The following AP1B1 variants were observed in gnomAD, a reference collection of about 807,000 sequenced individuals.
The protein encoded by AP1B1 is AP-1 complex subunit beta-1.
A neutral mutation model predicts 104.3 loss-of-function variants in AP1B1; 36 were observed. The observed-to-expected ratio is 0.35, with a 90% CI of 0.26 to 0.46. The LOEUF (loss-of-function observed/expected upper bound fraction) is 0.46. Ranked by LOEUF, AP1B1 falls within the 20% of genes least tolerant of loss-of-function variation. The pLI is 1.00. For missense variants in AP1B1, 901 were observed against 1,247.9 expected (o/e 0.72, Z 4.19); for synonymous variants, 504 against 517.5 (o/e 0.97, Z 0.35).
chr22:29,369,126 A>G (rs975855813), intron 1 of AP1B1, among the ~76,000 whole-genome samples: 1 of 152,152 alleles, frequency 6.6e-6, no homozygotes, highest in African/African-American at 2.4e-5. Flanking sequence ...ATCTCCTTTC[A>G]AGTCATTACT....
intron 11 of AP1B1, among the ~76,000 whole-genome samples, chr22:29,348,594 T>TG (rs1221288897): frequency 6.6e-6 from 1 of 152,260 alleles, no homozygotes; most frequent in Non-Finnish European, 1.5e-5. Flanking sequence ...GGTTATTAAC[T>TG]GATCAATTGA....
At chr22:29,364,578 C>G (rs1312945783) in intron 2 of AP1B1, among the ~76,000 whole-genome samples, 4 of 152,286 alleles carry the variant, frequency 2.6e-5, no homozygotes, top group African/African-American at 9.6e-5. Context: ...GCCATCACAC[C>G]CAGCTAATTT....
At chr22:29,386,245 C>T (rs972562483) in intron 1 of AP1B1, among the ~76,000 whole-genome samples, 4 of 152,178 alleles carry the variant, frequency 2.6e-5, no homozygotes, top group African/African-American at 4.8e-5. Context: ...CCTATGTCAA[C>T]GGTCCAGGTC....
In AP1B1 at chr22:29,329,685, C is replaced by T. The variant is rs180689769; in HGVS notation, c.2775+27G>A. On this transcript the variant is annotated intron_variant, in intron 22 of 22. Coordinates refer to ENST00000357586, the MANE Select transcript of AP1B1 (RefSeq NM_001127.4). ...AGGAGACAAGACTGGGGAGGGCGGA[C>T]GGGGAAAGAGAAAGCGATCTGCTAA... 5.1e-3 allele frequency: 8,209 copies of T among 1,612,730 alleles called. 30 individuals carry two copies. The highest frequency in any genetic ancestry group is 6.2e-3 in the Non-Finnish European group (7,279 of 1,179,360).
rs772318343 is a variant in AP1B1, at chr22:29,328,924, G to A, written c.2776-29C>T. 1.9e-6 allele frequency: 3 copies of A among 1,596,498 alleles called. No homozygotes were observed. Among genetic ancestry groups the A allele is most frequent in the Non-Finnish European group, 2.6e-6 (3 of 1,174,050 alleles). ...CAGGGGAGAGAGGGGTCGGGGGAAA[G>A]AGCGCTCATCCCTGGGGTTCCTCTC... On this transcript the variant is annotated intron_variant, in intron 22 of 22. Transcript: ENST00000357586. This position sits in a 1 kb window ranked among gnomAD's most constrained non-coding sequence, Gnocchi z 4.1.
At chr22:29,340,271 G>A (rs992951098) in intron 14 of AP1B1, among the ~76,000 whole-genome samples, 1 of 152,190 alleles carries the variant, frequency 6.6e-6, no homozygotes, top group Admixed American at 6.5e-5. Flanking sequence ...CTGCATAAGG[G>A]TAAGTGGACA....
At chr22:29,375,796 C>T (rs2062331020) in intron 1 of AP1B1, among the ~76,000 whole-genome samples, 1 of 152,224 alleles carries the variant, frequency 6.6e-6, no homozygotes, top group African/African-American at 2.4e-5. Flanking sequence ...TCCCTCTCTA[C>T]TCTTAAACCA....
intron 11 of AP1B1, among the ~76,000 whole-genome samples, chr22:29,348,833 T>C (rs868270326): frequency 1.2e-4 from 18 of 152,302 alleles, no homozygotes; most frequent in Admixed American, 3.9e-4. Flanking sequence ...TGAACTTTCC[T>C]AAGAAATCAA....
At chr22:29,368,330 A>G (rs1472454305) in intron 1 of AP1B1, among the ~76,000 whole-genome samples, 2 of 152,130 alleles carry the variant, frequency 1.3e-5, no homozygotes, top group Non-Finnish European at 2.9e-5. Context: ...CAAAGAAAGT[A>G]CTGAAGCTCT....
intron 9 of AP1B1, 95 bp downstream of exon 9, chr22:29,351,076 C>T: frequency 1.6e-6 from 2 of 1,276,212 alleles, no homozygotes; most frequent in South Asian, 1.4e-5. Flanking sequence ...TCCCAGACCA[C>T]AAGCAAGCTG....
chr22:29,364,116 C>T (rs1201860445), intron 2 of AP1B1, among the ~76,000 whole-genome samples: 2 of 152,158 alleles, frequency 1.3e-5, no homozygotes, highest in Admixed American at 6.5e-5. Context: ...TTAAGGCTTG[C>T]GGGGTGAGAG....
At chr22:29,362,636 C>A (rs1255279833) in intron 3 of AP1B1, among the ~76,000 whole-genome samples, 1 of 152,112 alleles carries the variant, frequency 6.6e-6, no homozygotes, top group African/African-American at 2.4e-5. Context: ...TGAGCCACCG[C>A]GCCTGGCCCA....
At chr22:29,364,733 T>C (rs527407358) in intron 2 of AP1B1, among the ~76,000 whole-genome samples, 1 of 135,054 alleles carries the variant, frequency 7.4e-6, no homozygotes, top group African/African-American at 2.8e-5. Context: ...TTTTGAGACA[T>C]AGTCTCACTC....
At chr22:29,360,181 G>C (rs114966167) in intron 3 of AP1B1, among the ~76,000 whole-genome samples, 5 of 152,290 alleles carry the variant, frequency 3.3e-5, no homozygotes, top group African/African-American at 9.6e-5. Flanking sequence ...GAAAGTCCTT[G>C]ATTCTTTTCA....
chr22:29,332,565 A>T (rs2061577529), intron 17 of AP1B1, among the ~76,000 whole-genome samples: 1 of 152,238 alleles, frequency 6.6e-6, no homozygotes, highest in South Asian at 2.1e-4. Flanking sequence ...AGGGCTCGGT[A>T]TACCTGGGCT....
rs549652077 is a variant in AP1B1, at chr22:29,330,067, C to A, written c.2766+311G>T. ...ACATGCAGGCACTCACAGGACAGGG[C>A]CAGGGCCTGTGCCCAGCAATGTCAC... On this transcript the variant is annotated intron_variant, in intron 21 of 22. Coordinates refer to ENST00000357586, the MANE Select transcript of AP1B1 (RefSeq NM_001127.4). 110 of 1,411,984 alleles carry A rather than the reference C, an allele frequency of 7.8e-5. No homozygotes were observed. The South Asian group carries it at 1.1e-3, about 14-fold the overall frequency. 87.5% of individuals were successfully genotyped at this position (1,411,984 alleles called of 1,614,324 possible).
chr22:29,335,040 T>C (rs551488707), intron 16 of AP1B1, among the ~76,000 whole-genome samples: 2 of 152,272 alleles, frequency 1.3e-5, no homozygotes, highest in South Asian at 2.1e-4. Context: ...GCCCCAGTGA[T>C]GTTATGGCAG....
intron 16 of AP1B1, among the ~76,000 whole-genome samples, chr22:29,336,967 T>C (rs1344215150): frequency 6.6e-6 from 1 of 152,252 alleles, no homozygotes; most frequent in East Asian, 1.9e-4. Context: ...TCCTGCTTTG[T>C]ATGCCTGTGA....
chr22:29,357,629 T>A (rs1309304113), intron 5 of AP1B1, among the ~76,000 whole-genome samples: 2 of 150,632 alleles, frequency 1.3e-5, no homozygotes. Context: ...GCCTCCCAAA[T>A]AGCTGGGATT....
Sources: allele counts gnomAD v4.1 joint callset (sites outside exome capture counted in the v4.1 genomes callset), GRCh38; gene constraint gnomAD v4.1.1; non-coding constraint Gnocchi (gnomAD v3.1); transcripts MANE v1.5; gene names NCBI Gene and HGNC (gene_info 2026-07-23, HGNC 2026-07-21).